Variants in BPGM observed in about 807,000 individuals in gnomAD.
BPGM encodes the protein 2,3-bisphosphoglycerate mutase, erythrocyte.
Under a neutral mutation model 21.6 loss-of-function variants are expected in BPGM, and 15 were observed. The ratio of observed to expected loss-of-function variants is 0.70; its 90% confidence interval spans 0.47 to 1.07. The LOEUF (loss-of-function observed/expected upper bound fraction) is 1.07. Ranked by LOEUF, BPGM falls within the 50% of genes least tolerant of loss-of-function variation. The pLI is 0.00. For missense variants in BPGM, 273 were observed against 319.0 expected, an observed-to-expected ratio of 0.86 and a Z score of 1.10; for synonymous variants, 113 against 116.2, an observed-to-expected ratio of 0.97 and a Z score of 0.18.
At chr7:134,652,338 T>C (rs1340615043) in intron 1 of BPGM, among the ~76,000 whole-genome samples, 1 of 152,224 alleles carries the variant, frequency 6.6e-6, no homozygotes, top group Non-Finnish European at 1.5e-5. Context: ...ACATTTTTAA[T>C]TTTAAATTAT....
intron 2 of BPGM, among the ~76,000 whole-genome samples, chr7:134,664,277 G>A (rs1173270740): frequency 2.0e-5 from 3 of 152,118 alleles, no homozygotes; most frequent in Non-Finnish European, 4.4e-5. Flanking sequence ...CCCAAATCAA[G>A]GTGTGAGCAG....
At chr7:134,669,567 C>T (rs530834237) in intron 2 of BPGM, among the ~76,000 whole-genome samples, 3 of 152,198 alleles carry the variant, frequency 2.0e-5, no homozygotes, top group African/African-American at 7.2e-5. Flanking sequence ...GCAAGTGATA[C>T]TGATTCGGAG....
chr7:134,650,963 A>G (rs1331861687), intron 1 of BPGM, among the ~76,000 whole-genome samples: 1 of 152,190 alleles, frequency 6.6e-6, no homozygotes, highest in Non-Finnish European at 1.5e-5. Flanking sequence ...TGAGCCCCAG[A>G]TTTCATTTCC....
intron 1 of BPGM, among the ~76,000 whole-genome samples, chr7:134,651,705 A>G (rs1795557604): frequency 1.3e-5 from 2 of 152,160 alleles, no homozygotes; most frequent in African/African-American, 2.4e-5. Context: ...TTGAATCATA[A>G]TTTTATGTTT....
At chr7:134,652,528 A>C (rs1179769133) in intron 1 of BPGM, among the ~76,000 whole-genome samples, 5 of 152,136 alleles carry the variant, frequency 3.3e-5, no homozygotes, top group African/African-American at 1.2e-4. Flanking sequence ...TTTAAAATGC[A>C]ATAAATTATT....
intron 1 of BPGM, among the ~76,000 whole-genome samples, chr7:134,647,816 C>T (rs538132066): frequency 1.6e-4 from 25 of 152,084 alleles, no homozygotes; most frequent in Non-Finnish European, 2.8e-4. Flanking sequence ...TTTTTTGAAA[C>T]GGAGTCTCGC....
At position 134,661,805 on chromosome 7, in the gene BPGM, A is replaced by G. The variant is rs1355590289; in HGVS notation, c.298A>G (p.Arg100Gly). 2.5e-6 allele frequency: 4 copies of G among 1,613,286 alleles called. No individual in the cohort carries two copies. The highest frequency in any genetic ancestry group is 3.4e-6 in the Non-Finnish European group (4 of 1,179,646). ...RHYGALIGLN[R>G]EQMALNHGEE... ...CTATGGGGCCTTGATCGGTCTCAAC[A>G]GGGAGCAGATGGCTTTGAATCATGG... The change falls in exon 2 of 3, where the codon AGG becomes GGG. Residue 100 changes from arginine to glycine, a missense_variant. Transcript: ENST00000344924. The surrounding 1 kb of genome is among the most constrained non-coding windows in gnomAD (Gnocchi z 4.6).
At chr7:134,672,126 C>T (rs1795914294) in intron 2 of BPGM, among the ~76,000 whole-genome samples, 1 of 152,166 alleles carries the variant, frequency 6.6e-6, no homozygotes, top group African/African-American at 2.4e-5. Flanking sequence ...CCTTGAGCTA[C>T]TTCCTGGACT....
At chr7:134,656,561 G>C (rs1200510704) in intron 1 of BPGM, among the ~76,000 whole-genome samples, 1 of 152,188 alleles carries the variant, frequency 6.6e-6, no homozygotes, top group Admixed American at 6.5e-5. Flanking sequence ...AAGCAAACAT[G>C]TCCTTCTTCA....
chr7:134,669,623 G>A (rs1795873924), intron 2 of BPGM, among the ~76,000 whole-genome samples: 1 of 152,130 alleles, frequency 6.6e-6, no homozygotes, highest in South Asian at 2.1e-4. Context: ...GAAACCACAT[G>A]TCAGTGCCTA....
chr7:134,670,843 G>A (rs1795892668), intron 2 of BPGM, among the ~76,000 whole-genome samples: 1 of 152,072 alleles, frequency 6.6e-6, no homozygotes, highest in South Asian at 2.1e-4. Flanking sequence ...ATACACTACC[G>A]AATTGGGGTT....
intron 2 of BPGM, among the ~76,000 whole-genome samples, chr7:134,672,102 C>T (rs922615637): frequency 2.0e-5 from 3 of 152,148 alleles, no homozygotes; most frequent in Non-Finnish European, 4.4e-5. Flanking sequence ...GTTTGACTTT[C>T]TCCCCAATTT....
chr7:134,647,803 A>T (rs919141654), intron 1 of BPGM, among the ~76,000 whole-genome samples: 11 of 151,972 alleles, frequency 7.2e-5, no homozygotes, highest in African/African-American at 2.7e-4. Flanking sequence ...TTTATTTTTT[A>T]TTTTTTTTGA....
chr7:134,647,017 A>T (rs552405463), intron 1 of BPGM, 80 bp downstream of exon 1: 1 of 155,256 alleles, frequency 6.4e-6, no homozygotes. Context: ...GGTGCGGGGA[A>T]GGCCAGTTTC....
chr7:134,664,584 T>A (rs1795785610), intron 2 of BPGM, among the ~76,000 whole-genome samples: 1 of 152,084 alleles, frequency 6.6e-6, no homozygotes. Flanking sequence ...TTTGAGGGGA[T>A]CACAGTTCAA....
chr7:134,655,257 C>T (rs1795618898), intron 1 of BPGM, among the ~76,000 whole-genome samples: 1 of 152,136 alleles, frequency 6.6e-6, no homozygotes, highest in Non-Finnish European at 1.5e-5. Context: ...GTTGGGGTGA[C>T]TATTGCCTGG....
intron 1 of BPGM, among the ~76,000 whole-genome samples, chr7:134,652,757 C>T (rs1483411420): frequency 6.6e-6 from 1 of 152,186 alleles, no homozygotes; most frequent in African/African-American, 2.4e-5. Flanking sequence ...ACTTATTTCA[C>T]CTAACCTTAG....
At chr7:134,659,372 CGTGTGTGTGTGTGTGTGTGT>C (rs66893203) in intron 1 of BPGM, among the ~76,000 whole-genome samples, 18,584 of 145,338 alleles carry the variant, frequency 0.13, 1,279 homozygotes, top group Middle Eastern at 0.22. Flanking sequence ...CACACCCCTC[CGTGTGTGTGTGTGTGTGTGT>C]GTGTGTGTGT....
chr7:134,652,970 G>A (rs1795579778), intron 1 of BPGM, among the ~76,000 whole-genome samples: 1 of 152,090 alleles, frequency 6.6e-6, no homozygotes, highest in East Asian at 1.9e-4. Context: ...ATACTTATTT[G>A]CTTTCTTTTG....
Sources: gnomAD v4.1 joint callset for allele counts (sites outside exome capture counted in the v4.1 genomes callset) on GRCh38, gnomAD v4.1.1 for gene constraint, Gnocchi (gnomAD v3.1) non-coding constraint, MANE v1.5 for transcripts, NCBI Gene and HGNC (gene_info 2026-07-23, HGNC 2026-07-21) for gene names.